ZFYVE19: variants seen among roughly 807,000 people sequenced by gnomAD.
ZFYVE19 encodes zinc finger FYVE-type containing 19.
A neutral mutation model predicts 62.8 loss-of-function variants in ZFYVE19; 49 were observed. The observed-to-expected ratio is 0.78, with a 90% CI of 0.62 to 0.99. ZFYVE19 has a LOEUF of 0.99. ZFYVE19 is among the 50% of genes least tolerant of loss of function. The pLI, the probability that ZFYVE19 is intolerant of heterozygous loss-of-function variation, is 0.00. For missense variants in ZFYVE19, 630 were observed against 601.9 expected, an observed-to-expected ratio of 1.05 and a Z score of -0.49; for synonymous variants, 242 against 234.3, an observed-to-expected ratio of 1.03 and a Z score of -0.30.
At position 40,807,749 on chromosome 15, in the gene ZFYVE19, C is replaced by T; in HGVS notation, c.160C>T (p.Pro54Ser). ...GGAAGGGCGGAGCTGGGGTGAGGGT[C>T]CAAGGGGCCCAGGACTTGGCCGGCG... ...GREGRSWGEG[P>S]RGPGLGRRDL... is the part of the protein sequence containing the mutation. The change falls in exon 1 of 11, where the codon CCA (proline) becomes TCA (serine). Residue 54 changes from proline (P) to serine (S), a missense_variant. Coordinates refer to ENST00000355341, the MANE Select transcript of ZFYVE19 (RefSeq NM_001077268.2). 1.2e-5 allele frequency: 19 copies of T among 1,590,854 alleles called. No individual in the cohort carries two copies. Among genetic ancestry groups the T allele is most frequent in the Non-Finnish European group, 1.5e-5 (18 of 1,171,846 alleles).
intron 1 of ZFYVE19, 84 bp from the exon 2 acceptor site, chr15:40,809,035 C>T: frequency 1.9e-6 from 3 of 1,570,248 alleles, no homozygotes; most frequent in Non-Finnish European, 2.6e-6. Context: ...TCAGTGACTT[C>T]TCTCTGTGTG....
In ZFYVE19 at chr15:40,814,407, G is replaced by A; in HGVS notation, c.*181G>A. The A allele has an allele frequency of 1.4e-6, 1 of 722,222 alleles. No individual in the cohort carries two copies. Among genetic ancestry groups the A allele is most frequent in the South Asian group, 1.9e-5 (1 of 53,962 alleles). 44.7% of individuals were successfully genotyped at this position (722,222 alleles called of 1,614,324 possible). On this transcript the variant is annotated 3_prime_UTR_variant, in exon 11 of 11. Coordinates refer to ENST00000355341, the MANE Select transcript of ZFYVE19 (RefSeq NM_001077268.2). ...CTCCATTCGAGAGAATGACTGGGAG[G>A]GAAGAAGTCGGGGCCCTCCTATTAG...
At chr15:40,811,495 A>G (rs1475490112) in intron 6 of ZFYVE19, among the ~76,000 whole-genome samples, 5 of 152,246 alleles carry the variant, frequency 3.3e-5, no homozygotes, top group South Asian at 2.1e-4. Context: ...GCACATCATG[A>G]TGAAGAATTA....
intron 6 of ZFYVE19, 190 bp downstream of exon 6, chr15:40,810,947 G>GATT (rs1220227228): frequency 1.6e-5 from 10 of 641,602 alleles, no homozygotes; most frequent in Admixed American, 3.2e-5. Flanking sequence ...ACGGGCTTTA[G>GATT]AATCAGACAG....
Position 40,807,859 on chromosome 15 carries a change from C to T in ZFYVE19, c.270C>T (p.Phe90=). 1.3e-6 allele frequency: 2 copies of T among 1,535,472 alleles called. No homozygotes were observed. The highest frequency in any genetic ancestry group is 1.2e-5 in the South Asian group (1 of 80,736). The change falls in exon 1 of 11, where the codon TTC becomes TTT. Residue 90 remains phenylalanine (F), a synonymous_variant. Transcript: ENST00000355341. The part of the protein sequence containing the change: ...CYGCAVKFTL[F]KKEYGCKNCG... ...GCTGCGCTGTCAAGTTCACCCTCTT[C>T]AAGAAGGAGGCGAGTCTTCCCTCCC...
chr15:40,813,895 T>C (rs2141981540), intron 9 of ZFYVE19, 48 bp from the exon 10 acceptor site: 1 of 1,593,164 alleles, frequency 6.3e-7, no homozygotes, highest in Non-Finnish European at 8.6e-7. Context: ...GCAGCTCACA[T>C]ACCCCACTGG....
chr15:40,807,459 A>G lies in ZFYVE19; in HGVS notation c.-131A>G. Reference sequence around the variant, plus strand: ...TGGTCACTGCCATGGTTCCGGCCTGACGGATTCGTACTACAACTCCCAAGA... The same window carrying G: ...TGGTCACTGCCATGGTTCCGGCCTGGCGGATTCGTACTACAACTCCCAAGA... On this transcript the variant is annotated 5_prime_UTR_variant, in exon 1 of 11. It removes the in-frame stop codon of an upstream open reading frame in the 5' UTR. Coordinates refer to ENST00000355341, the MANE Select transcript of ZFYVE19 (RefSeq NM_001077268.2). 6.2e-7 allele frequency: 1 copy of G among 1,614,130 alleles called. No individual in the cohort carries two copies. Among genetic ancestry groups the G allele is most frequent in the Non-Finnish European group, 8.5e-7 (1 of 1,179,976 alleles).
chr15:40,808,908 G>C lies in ZFYVE19; in HGVS notation c.280-211G>C, dbSNP rs1213823339. ...ACAGGGTAGAAAGCATGGGAATTTT[G>C]TATAAACCTTCATTTGGCTTGAATA... On this transcript the variant is annotated intron_variant, in intron 1 of 10. Coordinates refer to ENST00000355341, the MANE Select transcript of ZFYVE19 (RefSeq NM_001077268.2). 3 of 567,918 alleles carry C rather than the reference G, an allele frequency of 5.3e-6. No individual in the cohort carries two copies. The African/African-American group carries it at 5.6e-5, about 11-fold the overall frequency. 35.2% of individuals were successfully genotyped at this position (567,918 alleles called of 1,614,324 possible). A position where few individuals can be genotyped will look rare whatever the true frequency, so the allele number is the denominator to read the frequency against.
chr15:40,814,213 G>A lies in ZFYVE19; in HGVS notation c.1403G>A (p.Gly468Asp). 6.2e-7 allele frequency: 1 copy of A among 1,614,160 alleles called. No homozygotes were observed. The highest frequency in any genetic ancestry group is 8.5e-7 in the Non-Finnish European group (1 of 1,180,048). ...TCTGCCTACTCTCCTCCACGTGCAG[G>A]CCAAGAGCACTGAAGACACCCTGGT... ...QTSAYSPPRA[G>D]QEH is the part of the protein sequence containing the mutation. Residue 468 changes from glycine (G) to aspartate (D), a missense_variant, in exon 11 of 11, where the codon GGC becomes GAC. By Grantham distance (94) the Gly-to-Asp change is moderately conservative. Coordinates refer to ENST00000355341, the MANE Select transcript of ZFYVE19 (RefSeq NM_001077268.2).
Position 40,812,728 on chromosome 15 carries a change from G to A in ZFYVE19, c.856G>A (p.Gly286Ser). The A allele has an allele frequency of 6.2e-7, 1 of 1,609,802 alleles. No homozygotes were observed. The highest frequency in any genetic ancestry group is 8.5e-7 in the Non-Finnish European group (1 of 1,179,990). Reference sequence around the variant, plus strand: ...CTCTCTCCAGAATGATCTCAACCAGGGTGGCCCAGGGAGCACTAATTCCAA... The same window carrying A: ...CTCTCTCCAGAATGATCTCAACCAGAGTGGCCCAGGGAGCACTAATTCCAA... ...AASLQNDLNQ[G>S]GPGSTNSKRQ... Residue 286 changes from glycine to serine, a missense_variant, in exon 7 of 11, where the codon GGT (glycine) becomes AGT (serine). Physicochemically the swap from Gly to Ser is moderately conservative, Grantham distance 56. Coordinates refer to ENST00000355341, the MANE Select transcript of ZFYVE19 (RefSeq NM_001077268.2).
In ZFYVE19 at chr15:40,814,799, C is replaced by T. The variant is rs1370381459; in HGVS notation, c.*573C>T. 6.2e-6 allele frequency: 1 copy of T among 160,076 alleles called. No homozygotes were observed. Among genetic ancestry groups the T allele is most frequent in the African/African-American group, 2.4e-5 (1 of 41,516 alleles). The allele number at this position is 160,076 out of a possible 1,614,324, so 9.9% of individuals were successfully genotyped here. A position where few individuals can be genotyped will look rare whatever the true frequency, so the allele number is the denominator to read the frequency against. ...TGGGCAGCCCCACTTAGCCACCAGT[C>T]CCCACCATCTTGGATTTCTCAGCCT... On this transcript the variant is annotated 3_prime_UTR_variant, in exon 11 of 11. Coordinates refer to ENST00000355341, the MANE Select transcript of ZFYVE19 (RefSeq NM_001077268.2).
chr15:40,812,822 GGGA>G lies in ZFYVE19; in HGVS notation c.955_957del (p.Glu319del), dbSNP rs554882498. 1.9e-4 allele frequency: 308 copies of G among 1,613,756 alleles called. No homozygotes were observed. The African/African-American group carries it at 3.5e-3, about 18-fold the overall frequency. On this transcript the variant is annotated inframe_deletion, in exon 7 of 11. Coordinates refer to ENST00000355341, the MANE Select transcript of ZFYVE19 (RefSeq NM_001077268.2). The stretch of plus-strand genomic sequence containing the variant: ...CTGGCTGAGGCAGCACTTGAGTTGC[GGGA>G]GGAGAACACGAGGCAGGAACGGATT...
chr15:40,813,432 C>G lies in ZFYVE19; in HGVS notation c.1110+15C>G. The G allele has an allele frequency of 6.3e-7, 1 of 1,589,778 alleles. No homozygotes were observed. Among genetic ancestry groups the G allele is most frequent in the South Asian group, 1.1e-5 (1 of 87,760 alleles). ...TCCTGCAGCAGGTGGGCCTGGATTA[C>G]CCACCTGCCACCCCTTGTCCCGTCT... On this transcript the variant is annotated intron_variant, in intron 8 of 10. Coordinates refer to ENST00000355341, the MANE Select transcript of ZFYVE19 (RefSeq NM_001077268.2).
At position 40,808,537 on chromosome 15, in the gene ZFYVE19, G is replaced by C. The variant is rs556285616; in HGVS notation, c.280-582G>C. Reference sequence around the variant, plus strand: ...ATCTGAGCTCTGCTGTCTTATTGAGGCGGTGACCTTGGTTTGGATAAGTTA... The same window carrying C: ...ATCTGAGCTCTGCTGTCTTATTGAGCCGGTGACCTTGGTTTGGATAAGTTA... On this transcript the variant is annotated intron_variant, in intron 1 of 10. Transcript: ENST00000355341. 4.5e-6 allele frequency: 5 copies of C among 1,120,702 alleles called. No homozygotes were observed. In the Admixed American group the frequency reaches 1.2e-4, roughly 26 times the overall value. 69.4% of individuals were successfully genotyped at this position (1,120,702 alleles called of 1,614,324 possible).
chr15:40,810,259 A>C (rs1328688523), intron 5 of ZFYVE19, 43 bp downstream of exon 5: 2 of 1,606,250 alleles, frequency 1.2e-6, no homozygotes, highest in Admixed American at 1.7e-5. Flanking sequence ...TGCTAGCGGG[A>C]GGACCCAGCA....
chr15:40,812,895 CGA>C lies in ZFYVE19; in HGVS notation c.1029_1030del (p.Arg343SerfsTer12), dbSNP rs747492657. ...TAGCCATGCTGCGGGGACAGGACCC[CGA>C]GAGAGGTGAAGGCTGGGGAGCAGCT... ...RLAMLRGQDP[E>X]RVTLQDYRLP... On this transcript the variant is annotated frameshift_variant, in exon 7 of 11. Coordinates refer to ENST00000355341, the MANE Select transcript of ZFYVE19 (RefSeq NM_001077268.2). LOFTEE classifies it high-confidence loss of function. The C allele has an allele frequency of 5.0e-6, 8 of 1,610,700 alleles. No individual in the cohort carries two copies. Among genetic ancestry groups the C allele is most frequent in the South Asian group, 3.3e-5 (3 of 91,028 alleles).
intron 6 of ZFYVE19, among the ~76,000 whole-genome samples, chr15:40,811,560 A>C (rs1180166575): frequency 6.6e-6 from 1 of 151,598 alleles, no homozygotes; most frequent in Non-Finnish European, 1.5e-5. Flanking sequence ...TTAGAGGCAC[A>C]ATCTCATTGA....
chr15:40,812,402 C>G (rs944061006), intron 6 of ZFYVE19, among the ~76,000 whole-genome samples: 1 of 151,684 alleles, frequency 6.6e-6, no homozygotes, highest in Non-Finnish European at 1.5e-5. Flanking sequence ...AAAAATTAGC[C>G]GGGCATGGTG....
At chr15:40,810,246 G>C (rs1418841217) in intron 5 of ZFYVE19, 30 bp downstream of exon 5, 1 of 1,611,178 alleles carries the variant, frequency 6.2e-7, no homozygotes, top group Middle Eastern at 1.7e-4. Flanking sequence ...AGAGAAGCGG[G>C]GGTGCTAGCG....
Sources: allele counts gnomAD v4.1 joint callset (sites outside exome capture counted in the v4.1 genomes callset), GRCh38; gene constraint gnomAD v4.1.1; transcripts MANE v1.5; gene names NCBI Gene and HGNC (gene_info 2026-07-23, HGNC 2026-07-21).